OGDH: variants seen among roughly 807,000 people sequenced by gnomAD.
The protein encoded by OGDH is oxoglutarate dehydrogenase, also known as 2-oxoglutarate dehydrogenase complex component E1.
A neutral mutation model predicts 116.6 loss-of-function variants in OGDH; 38 were observed. That is an observed-to-expected ratio of 0.33 (90% CI 0.25 to 0.43). The LOEUF (loss-of-function observed/expected upper bound fraction) is 0.43. OGDH is among the 20% of genes least tolerant of loss of function. The pLI is 1.00. For missense variants in OGDH, 825 were observed against 1,357.2 expected (o/e 0.61, Z 6.16); for synonymous variants, 488 against 533.3 (o/e 0.92, Z 1.17).
chr7:44,684,757 A>T (rs1788061403), intron 10 of OGDH, among the ~76,000 whole-genome samples: 1 of 148,044 alleles, frequency 6.8e-6, no homozygotes, highest in Non-Finnish European at 1.5e-5. Context: ...AGAGATGTCT[A>T]AAAAAAACCA....
chr7:44,641,889 G>T (rs904081506), intron 2 of OGDH, among the ~76,000 whole-genome samples: 1 of 152,188 alleles, frequency 6.6e-6, no homozygotes, highest in East Asian at 1.9e-4. Context: ...ACCAGTCATG[G>T]ACTGAGTGGG....
At chr7:44,652,499 T>C (rs1225063631) in intron 4 of OGDH, among the ~76,000 whole-genome samples, 1 of 152,238 alleles carries the variant, frequency 6.6e-6, no homozygotes, top group Non-Finnish European at 1.5e-5. Flanking sequence ...CAGGCTATAC[T>C]ATAAACCTCA....
chr7:44,700,299 G>A (rs1159289715), intron 19 of OGDH, 30 bp downstream of exon 19: 9 of 1,612,818 alleles, frequency 5.6e-6, no homozygotes, highest in Middle Eastern at 1.6e-4. Context: ...TTGCTCAAAC[G>A]AGGCCTGGCC....
At chr7:44,627,463 A>G (rs948246407) in intron 2 of OGDH, among the ~76,000 whole-genome samples, 4 of 152,228 alleles carry the variant, frequency 2.6e-5, no homozygotes, top group African/African-American at 9.6e-5. Flanking sequence ...AAATAGAGAT[A>G]ATAAAATTAG....
chr7:44,679,481 C>T (rs1404646886), intron 9 of OGDH, among the ~76,000 whole-genome samples: 1 of 152,176 alleles, frequency 6.6e-6, no homozygotes, highest in African/African-American at 2.4e-5. Context: ...GTCCCTGACA[C>T]ACAAATCATG....
At chr7:44,679,275 T>A (rs1787827471) in intron 9 of OGDH, among the ~76,000 whole-genome samples, 1 of 152,138 alleles carries the variant, frequency 6.6e-6, no homozygotes, top group African/African-American at 2.4e-5. Context: ...CAGGAAAGCA[T>A]GAAATGTCAG....
intron 1 of OGDH, among the ~76,000 whole-genome samples, chr7:44,616,189 A>T (rs1032360215): frequency 6.6e-6 from 1 of 152,120 alleles, no homozygotes; most frequent in Non-Finnish European, 1.5e-5. Context: ...TATATGCTTT[A>T]ATGAGATGTT....
intron 2 of OGDH, among the ~76,000 whole-genome samples, chr7:44,630,083 A>G (rs1785374953): frequency 6.6e-6 from 1 of 152,162 alleles, no homozygotes; most frequent in Non-Finnish European, 1.5e-5. Flanking sequence ...GAAACACAGT[A>G]CTGGTGTTTT....
chr7:44,645,224 A>G (rs1459662629), intron 2 of OGDH, 103 bp from the exon 3 acceptor site: 32 of 1,048,486 alleles, frequency 3.1e-5, no homozygotes, highest in South Asian at 8.7e-5. Flanking sequence ...CAGCCAGCCT[A>G]TGGTAGACTT....
intron 7 of OGDH, 96 bp downstream of exon 7, chr7:44,674,653 CCTT>C: frequency 7.3e-7 from 1 of 1,362,872 alleles, no homozygotes; most frequent in South Asian, 1.3e-5. Flanking sequence ...GCTGTTTCCT[CCTT>C]GAGTGCCAGT....
At chr7:44,613,832 AT>A (rs1211481795) in intron 1 of OGDH, among the ~76,000 whole-genome samples, 1 of 101,858 alleles carries the variant, frequency 9.8e-6, no homozygotes, top group Non-Finnish European at 1.9e-5. Flanking sequence ...TGAAGATGGC[AT>A]TTTGCTGTTG....
At chr7:44,702,652 G>A (rs1317116627) in intron 20 of OGDH, among the ~76,000 whole-genome samples, 1 of 152,012 alleles carries the variant, frequency 6.6e-6, no homozygotes, top group African/African-American at 2.4e-5. Flanking sequence ...GAGTGTGGTG[G>A]CACAATCTCG....
intron 2 of OGDH, among the ~76,000 whole-genome samples, chr7:44,630,948 TC>T (rs1169652389): frequency 6.6e-6 from 1 of 152,136 alleles, no homozygotes; most frequent in Non-Finnish European, 1.5e-5. Context: ...CAGTTGGCTC[TC>T]CCATGAGAAT....
rs114597574 is a variant in OGDH at position 44,640,325 on chromosome 7, C to T, written c.223-5002C>T. The stretch of plus-strand genomic sequence containing the variant: ...TGCTGTGTGTAAATTCTGCCTGAGC[C>T]CACATCTCTCCAGTGGGAATATGAT... On this transcript the variant is annotated intron_variant, in intron 2 of 22. Transcript: ENST00000222673. Among the ~76,000 whole-genome samples, 793 of 152,178 alleles carry T rather than the reference C, an allele frequency of 5.2e-3. 7 individuals are homozygous for T. The highest frequency in any genetic ancestry group is 0.017 in the African/African-American group (721 of 41,500).
chr7:44,651,756 T>G (rs1008418913), intron 4 of OGDH, among the ~76,000 whole-genome samples: 8 of 135,188 alleles, frequency 5.9e-5, no homozygotes, highest in African/African-American at 2.8e-4. Context: ...GGGACCATGT[T>G]TCACCATGTT....
At chr7:44,637,754 G>A (rs1349583468) in intron 2 of OGDH, among the ~76,000 whole-genome samples, 2 of 152,018 alleles carry the variant, frequency 1.3e-5, no homozygotes, top group Non-Finnish European at 2.9e-5. Context: ...GTTGGGGGGT[G>A]GTTGCAGTGA....
chr7:44,707,339 G>A lies in OGDH; in HGVS notation c.2747G>A (p.Arg916His), dbSNP rs768557216. The change falls in exon 21 of 23, where the codon CGC becomes CAC. Residue 916 changes from arginine to histidine, a missense_variant. Physicochemically the swap from Arg to His is conservative, Grantham distance 29. Around this residue, in one of 7 missense-constraint regions of OGDH, gnomAD observed 212 missense variants for 284.3 expected, o/e 0.75. Coordinates refer to ENST00000222673, the MANE Select transcript of OGDH (RefSeq NM_002541.4). This position sits in a 1 kb window ranked among gnomAD's most constrained non-coding sequence, Gnocchi z 5.2. ...GTGTATTATGACCTCACCCGGGAGC[G>A]CAAAGCACGCGACATGGTGGGGCAG... ...GKVYYDLTRE[R>H]KARDMVGQVA... 3.1e-6 allele frequency: 5 copies of A among 1,614,262 alleles called. No individual in the cohort carries two copies. The highest frequency in any genetic ancestry group is 2.2e-5 in the South Asian group (2 of 91,092).
intron 12 of OGDH, among the ~76,000 whole-genome samples, chr7:44,695,701 C>CA (rs551704915): frequency 3.6e-3 from 295 of 83,084 alleles, no homozygotes; most frequent in African/African-American, 6.3e-3. Context: ...GACTCCGTCT[C>CA]AAAAAAAAAA....
chr7:44,611,668 C>T (rs1474527480), intron 1 of OGDH, among the ~76,000 whole-genome samples: 1 of 152,136 alleles, frequency 6.6e-6, no homozygotes, highest in Admixed American at 6.6e-5. Context: ...ACCTTGGCTT[C>T]CTGAAGTGCC....
Sources: gnomAD v4.1 joint callset for allele counts (sites outside exome capture counted in the v4.1 genomes callset) on GRCh38, gnomAD v4.1.1 for gene constraint, gnomAD v4.1.1 regional missense constraint, Gnocchi (gnomAD v3.1) non-coding constraint, MANE v1.5 for transcripts, NCBI Gene and HGNC (gene_info 2026-07-23, HGNC 2026-07-21) for gene names.